FAM149A: variants seen among roughly 807,000 people sequenced by gnomAD.
FAM149A encodes protein FAM149A.
In FAM149A, 71 loss-of-function variants were observed where a neutral mutation model predicts 78.2. The observed-to-expected ratio is 0.91, with a 90% CI of 0.75 to 1.11. The LOEUF (loss-of-function observed/expected upper bound fraction) is 1.11, where lower values mean the gene tolerates loss of function less well. Ranked by LOEUF, FAM149A falls within the 50% of genes least tolerant of loss-of-function variation. The probability of loss-of-function intolerance (pLI) is 0.00; values close to 1 mark genes in which losing one functional copy is unlikely to be tolerated. For missense variants in FAM149A, 1,036 were observed against 971.0 expected (o/e 1.07, Z -0.89); for synonymous variants, 446 against 410.5 (o/e 1.09, Z -1.04).
intron 1 of FAM149A, among the ~76,000 whole-genome samples, chr4:186,106,676 G>C (rs987830979): frequency 6.6e-6 from 1 of 152,172 alleles, no homozygotes; most frequent in Non-Finnish European, 1.5e-5. Context: ...GGCCGGGCAC[G>C]GTGGCTCACG....
In FAM149A at chr4:186,104,921, A is replaced by T; in HGVS notation, c.-156A>T. 8 of 973,042 alleles carry T rather than the reference A, an allele frequency of 8.2e-6. No individual in the cohort carries two copies. Among genetic ancestry groups the T allele is most frequent in the Non-Finnish European group, 9.8e-6 (8 of 819,120 alleles). 60.3% of individuals were successfully genotyped at this position (973,042 alleles called of 1,614,324 possible). A position where few individuals can be genotyped will look rare whatever the true frequency, so the allele number is the denominator to read the frequency against. The stretch of plus-strand genomic sequence containing the variant: ...GGGAAGGGCGACCCCAGCGGCGCGG[A>T]GCTGAGCGTCCTCGGGGAGGAGAGG... On this transcript the variant is annotated 5_prime_UTR_variant, in exon 1 of 14. Transcript: ENST00000389354.
In FAM149A at chr4:186,151,914, A is replaced by C. The variant is rs1733615841; in HGVS notation, c.801A>C (p.Glu267Asp). 1 of 1,613,974 alleles carries C rather than the reference A, an allele frequency of 6.2e-7. No homozygotes were observed. Among genetic ancestry groups the C allele is most frequent in the Non-Finnish European group, 8.5e-7 (1 of 1,179,994 alleles). Residue 267 changes from glutamate (E) to aspartate (D), a missense_variant, in exon 4 of 14, where the codon GAA (glutamate) becomes GAC (aspartate). Transcript: ENST00000389354. ...GCATTTCTGTTTAGGAATTTGACGA[A>C]GCCAGTTCACAGTCAGTGCAGCGGT... is the stretch of plus-strand genomic sequence containing the variant.
At chr4:186,132,778 G>A (rs1189998718) in intron 1 of FAM149A, among the ~76,000 whole-genome samples, 1 of 152,174 alleles carries the variant, frequency 6.6e-6, no homozygotes, top group Non-Finnish European at 1.5e-5. Flanking sequence ...CCTTTTATCT[G>A]TAGCTCTCTG....
intron 10 of FAM149A, 109 bp downstream of exon 10, chr4:186,163,742 T>C (rs1325265729): frequency 1.9e-5 from 15 of 787,634 alleles, no homozygotes; most frequent in Middle Eastern, 3.1e-4. Flanking sequence ...TAGTTTTACA[T>C]AGATGCTTTT....
chr4:186,125,952 C>G (rs1338405749), intron 1 of FAM149A: 1 of 985,316 alleles, frequency 1.0e-6, no homozygotes, highest in African/African-American at 1.7e-5. Context: ...ACAGCCTGTT[C>G]TCCAGCTGCC....
intron 1 of FAM149A, among the ~76,000 whole-genome samples, chr4:186,126,704 C>T (rs1385856711): frequency 6.6e-6 from 1 of 152,154 alleles, no homozygotes; most frequent in East Asian, 1.9e-4. Context: ...CTCAGATCTT[C>T]ACACTCGGGC....
At chr4:186,149,801 A>G (rs1733326536) in intron 3 of FAM149A, 97 bp downstream of exon 3, 1 of 850,128 alleles carries the variant, frequency 1.2e-6, no homozygotes, top group African/African-American at 1.8e-5. Flanking sequence ...TTATAAAAGC[A>G]TGACCTATTG....
intron 13 of FAM149A, chr4:186,169,357 G>A: frequency 2.0e-6 from 2 of 985,418 alleles, no homozygotes. Context: ...TCAAAGGCGT[G>A]ACCTGTGATG....
At position 186,112,639 on chromosome 4, in the gene FAM149A, C is replaced by T. The variant is rs1223919261; in HGVS notation, c.566+6997C>T. On this transcript the variant is annotated intron_variant, in intron 1 of 13. Transcript: ENST00000389354. Reference sequence around the variant, plus strand: ...TGAATTTTGTCAAAGGCTTTTTCTGCATCTGTTGAGATAATCATGTGGTTT... The same window carrying T: ...TGAATTTTGTCAAAGGCTTTTTCTGTATCTGTTGAGATAATCATGTGGTTT... Among the ~76,000 whole-genome samples, 3 of 9,474 alleles carry T rather than the reference C, an allele frequency of 3.2e-4. 1 individual carries two copies. The highest frequency in any genetic ancestry group is 5.8e-4 in the African/African-American group (3 of 5,176). The allele number at this position is 9,474 out of a possible 152,430, so 6.2% of individuals were successfully genotyped here.
At chr4:186,140,732 T>C (rs559626361) in intron 1 of FAM149A, among the ~76,000 whole-genome samples, 1 of 152,322 alleles carries the variant, frequency 6.6e-6, no homozygotes, top group East Asian at 1.9e-4. Flanking sequence ...GAAATAGTTA[T>C]GTACTTTTCA....
chr4:186,109,309 C>CACT, intron 1 of FAM149A: 1 of 687,580 alleles, frequency 1.5e-6, no homozygotes, highest in Non-Finnish European at 1.8e-6. Context: ...CATATATTCA[C>CACT]TCTTTTTTTT....
At position 186,154,771 on chromosome 4, in the gene FAM149A, A is replaced by G. The variant is rs928455685; in HGVS notation, c.1229+133A>G. On this transcript the variant is annotated intron_variant, in intron 6 of 13. Transcript: ENST00000389354. ...AAAAGATTTCTGTTCTTTTGAGAGT[A>G]ATGTACTCCCCAGAGCTTTTGGATT... 10 of 1,430,428 alleles carry G rather than the reference A, an allele frequency of 7.0e-6. No individual in the cohort carries two copies. The African/African-American group carries it at 1.4e-4, about 21-fold the overall frequency. 88.6% of individuals were successfully genotyped at this position (1,430,428 alleles called of 1,614,324 possible).
chr4:186,132,926 C>T, intron 1 of FAM149A: 1 of 962,380 alleles, frequency 1.0e-6, no homozygotes, highest in African/African-American at 1.8e-5. Context: ...TCATGTTAAG[C>T]CCTGAACCCC....
intron 1 of FAM149A, chr4:186,124,208 AGGGT>A (rs1263476150): frequency 2.0e-6 from 2 of 985,208 alleles, no homozygotes; most frequent in Non-Finnish European, 2.4e-6. Context: ...GTGGAGGCAG[AGGGT>A]GGGTTGGCTT....
chr4:186,162,831 TTTAC>T lies in FAM149A; in HGVS notation c.1576-12_1576-9del. On this transcript the variant is annotated splice_polypyrimidine_tract_variant and intron_variant, in intron 8 of 13. Coordinates refer to ENST00000389354, the MANE Select transcript of FAM149A (RefSeq NM_001367768.3). The stretch of plus-strand genomic sequence containing the variant: ...AATTCTTTTTTTTTTTTTTTTTTTT[TTTAC>T]TGTTCTCAGATTCATCACTTCTCCA... The T allele has an allele frequency of 9.8e-7, 1 of 1,020,584 alleles. No individual in the cohort carries two copies. The highest frequency in any genetic ancestry group is 1.5e-6 in the Non-Finnish European group (1 of 674,010). The allele number at this position is 1,020,584 out of a possible 1,614,324, so 63.2% of individuals were successfully genotyped here.
In FAM149A at chr4:186,117,482, C is replaced by T. The variant is rs183728478; in HGVS notation, c.566+11840C>T. 1.1e-3 allele frequency: 1,099 copies of T among 985,346 alleles called. 3 individuals are homozygous for T. In the Middle Eastern group the frequency reaches 0.017, roughly 15 times the overall value. 61.0% of individuals were successfully genotyped at this position (985,346 alleles called of 1,614,324 possible). On this transcript the variant is annotated intron_variant, in intron 1 of 13. Transcript: ENST00000389354. ...GAGGAGGCGCGGAGATGATGCTGAACGAGGGGCGATGTCAGGGGTCTGAGT... is the reference window on the plus strand; with the variant it reads ...GAGGAGGCGCGGAGATGATGCTGAATGAGGGGCGATGTCAGGGGTCTGAGT...
chr4:186,137,210 AG>A (rs1031284749), intron 1 of FAM149A, among the ~76,000 whole-genome samples: 5 of 152,016 alleles, frequency 3.3e-5, no homozygotes, highest in Non-Finnish European at 7.4e-5. Flanking sequence ...ATCTGGATAA[AG>A]CTGTGTACCC....
chr4:186,150,567 C>A (rs1190354516), intron 3 of FAM149A, among the ~76,000 whole-genome samples: 21 of 75,398 alleles, frequency 2.8e-4, no homozygotes, highest in Non-Finnish European at 5.7e-4. Context: ...CCACAGGCGC[C>A]CACCACCACG....
chr4:186,144,821 G>T lies in FAM149A; in HGVS notation c.567-4352G>T. The T allele has an allele frequency of 2.0e-6, 2 of 983,372 alleles. No individual in the cohort carries two copies. Among genetic ancestry groups the T allele is most frequent in the Non-Finnish European group, 2.4e-6 (2 of 828,954 alleles). The allele number at this position is 983,372 out of a possible 1,614,324, so 60.9% of individuals were successfully genotyped here. A position where few individuals can be genotyped will look rare whatever the true frequency, so the allele number is the denominator to read the frequency against. ...CGCAGCGCAGGGAGGAGGAGGGGAGGCGGCGCCGGCGCGGGCGGGGCGGAG... is the reference window on the plus strand; with the variant it reads ...CGCAGCGCAGGGAGGAGGAGGGGAGTCGGCGCCGGCGCGGGCGGGGCGGAG... On this transcript the variant is annotated intron_variant, in intron 1 of 13. Coordinates refer to ENST00000389354, the MANE Select transcript of FAM149A (RefSeq NM_001367768.3). This position sits in a 1 kb window ranked among gnomAD's most constrained non-coding sequence, Gnocchi z 4.2.
Sources: allele counts gnomAD v4.1 joint callset (sites outside exome capture counted in the v4.1 genomes callset), GRCh38; gene constraint gnomAD v4.1.1; non-coding constraint Gnocchi (gnomAD v3.1); transcripts MANE v1.5; gene names NCBI Gene and HGNC (gene_info 2026-07-23, HGNC 2026-07-21).